Variants in SMC1A observed in about 807,000 individuals in gnomAD.
SMC1A encodes the protein structural maintenance of chromosomes protein 1A.
In SMC1A, 4 loss-of-function variants were observed where a neutral mutation model predicts 94.5. That is an observed-to-expected ratio of 0.04 (90% confidence interval 0.02 to 0.10). The LOEUF (loss-of-function observed/expected upper bound fraction) is 0.10, where lower values mean the gene tolerates loss of function less well. SMC1A is among the 10% of genes least tolerant of loss of function. SMC1A has a pLI of 1.00. For missense variants in SMC1A, 304 were observed against 989.0 expected (o/e 0.31, Z 9.29); for synonymous variants, 345 against 347.7 (o/e 0.99, Z 0.09).
chrX:53,381,923 A>G (rs1240220543), intron 22 of SMC1A: 1 of 372,309 alleles, frequency 2.7e-6, no homozygotes, highest in Admixed American at 4.4e-5. Context: ...GAAGGGGTGA[A>G]AGGTGATGAT....
intron 5 of SMC1A, 91 bp from the exon 6 acceptor site, chrX:53,412,344 G>C (rs1334460849): frequency 3.2e-6 from 3 of 938,566 alleles, no homozygotes; most frequent in Non-Finnish European, 4.5e-6. Context: ...TTGAGCCCCT[G>C]AGCCAACCTC....
At chrX:53,384,268 T>C (rs782048439) in intron 19 of SMC1A, among the ~76,000 whole-genome samples, 2 of 108,146 alleles carry the variant, frequency 1.8e-5, no homozygotes, top group South Asian at 8.1e-4. Flanking sequence ...TTTAGACTTT[T>C]TTTTTTTTTT....
chrX:53,420,145 T>C (rs1315565358), intron 1 of SMC1A, among the ~76,000 whole-genome samples: 2 of 112,459 alleles, frequency 1.8e-5, no homozygotes, highest in Non-Finnish European at 3.7e-5. Context: ...GGACAAGTTA[T>C]CACACCTCTG....
intron 16 of SMC1A, among the ~76,000 whole-genome samples, chrX:53,397,664 T>G (rs1439410882): frequency 1.8e-5 from 2 of 111,305 alleles, no homozygotes; most frequent in Non-Finnish European, 3.8e-5. Context: ...AGCATATATA[T>G]AGAGAGAGAA....
intron 19 of SMC1A, among the ~76,000 whole-genome samples, chrX:53,387,545 C>G (rs1206995791): frequency 8.9e-6 from 1 of 111,951 alleles, no homozygotes; most frequent in Non-Finnish European, 1.9e-5. Flanking sequence ...TTGAAAAGTT[C>G]TAGAAGCACT....
chrX:53,395,274 C>T (rs1457568146), intron 18 of SMC1A, among the ~76,000 whole-genome samples: 1 of 112,126 alleles, frequency 8.9e-6, no homozygotes, highest in Non-Finnish European at 1.9e-5. Context: ...AACTGGGAGG[C>T]GGAGGCTGCA....
chrX:53,422,694 C>T (rs782563894), upstream of SMC1A: 1 of 590,401 alleles, frequency 1.7e-6, no homozygotes, highest in South Asian at 2.3e-5. Context: ...GCAAGCCGGG[C>T]GACCGGCAAA....
rs782054089 is a variant in SMC1A at position 53,414,310 on chromosome X, A to C, written c.411+448T>G. Among the ~76,000 whole-genome samples the C allele has an allele frequency of 4.5e-5, 5 of 111,055 alleles. No homozygotes were observed. In the East Asian group the frequency reaches 8.5e-4, roughly 19 times the overall value. ...CTAAATGATAGGCTTAGGAGTTTGGATCTCATCCTAAGGCAATAGTTCTCA... is the reference window on the plus strand; with the variant it reads ...CTAAATGATAGGCTTAGGAGTTTGGCTCTCATCCTAAGGCAATAGTTCTCA... On this transcript the variant is annotated intron_variant, in intron 3 of 24. Coordinates refer to ENST00000322213, the MANE Select transcript of SMC1A (RefSeq NM_006306.4).
Position 53,416,310 on chromosome X carries a change from A to T in SMC1A, c.110-1141T>A, listed in dbSNP as rs185249237. On this transcript the variant is annotated intron_variant, in intron 1 of 24. Transcript: ENST00000322213. ...AGAGTAAGACTCCATCTCAAAAAAA[A>T]AAAATAAAATAAAATAAAATAATAA... Among the ~76,000 whole-genome samples, 367 of 106,544 alleles carry T rather than the reference A, an allele frequency of 3.4e-3. 3 individuals carry two copies. The highest frequency in any genetic ancestry group is 4.9e-3 in the Middle Eastern group (1 of 204). 92.5% of individuals were successfully genotyped at this position (106,544 alleles called of 115,157 possible). A position where few individuals can be genotyped will look rare whatever the true frequency, so the allele number is the denominator to read the frequency against.
rs1341314979 is a variant in SMC1A at position 53,417,660 on chromosome X, C to G, written c.110-2491G>C. ...TGACTGGACTCTGGTTCCAAAATAA[C>G]AAAAAGACATTTGGGGAGCAAGTTA... On this transcript the variant is annotated intron_variant, in intron 1 of 24. Transcript: ENST00000322213. Among the ~76,000 whole-genome samples, 6 of 107,402 alleles carry G rather than the reference C, an allele frequency of 5.6e-5. No individual in the cohort carries two copies. The East Asian group carries it at 1.7e-3, about 31-fold the overall frequency. The allele number at this position is 107,402 out of a possible 115,157, so 93.3% of individuals were successfully genotyped here. A position where few individuals can be genotyped will look rare whatever the true frequency, so the allele number is the denominator to read the frequency against.
Position 53,376,989 on chromosome X carries a change from G to C in SMC1A, c.*3114C>G, listed in dbSNP as rs1007065861. ...CAAGGCTACTGCGTCCACAGTATAA[G>C]GGAGTCAAACTAGTTCCTCCAACAA... On this transcript the variant is annotated 3_prime_UTR_variant, in exon 25 of 25. Transcript: ENST00000322213. 1 of 111,832 alleles carries C rather than the reference G, an allele frequency of 8.9e-6. No homozygotes were observed. Among genetic ancestry groups the C allele is most frequent in the Non-Finnish European group, 1.9e-5 (1 of 53,145 alleles). The allele number at this position is 111,832 out of a possible 1,213,427, so 9.2% of individuals were successfully genotyped here.
chrX:53,403,976 G>C, intron 13 of SMC1A, 83 bp from the exon 14 acceptor site: 1 of 664,209 alleles, frequency 1.5e-6, no homozygotes, highest in Non-Finnish European at 2.5e-6. Flanking sequence ...CCCACAGTCA[G>C]GAAGGGCTAG....
At chrX:53,417,032 C>T (rs1022112364) in intron 1 of SMC1A, among the ~76,000 whole-genome samples, 2 of 108,632 alleles carry the variant, frequency 1.8e-5, no homozygotes, top group Admixed American at 9.9e-5. Flanking sequence ...GTGATCCTCC[C>T]GCCGTGGCCT....
At chrX:53,401,093 T>C (rs1202555730) in intron 15 of SMC1A, among the ~76,000 whole-genome samples, 2 of 111,354 alleles carry the variant, frequency 1.8e-5, no homozygotes, top group Non-Finnish European at 1.9e-5. Context: ...TGTCGCTGCC[T>C]GGCTGGCTAA....
At position 53,380,637 on chromosome X, in the gene SMC1A, T is replaced by C; in HGVS notation, c.3601A>G (p.Ile1201Val). The part of the protein sequence containing the change: ...EEFYTKAESL[I>V]GVYPEQGDCV... Reference sequence around the variant, plus strand: ...CGCCCTACCTCAGGATAGACTCCAATGAGGCTCTCGGCCTTGGTGTAGAAC... The same window carrying C: ...CGCCCTACCTCAGGATAGACTCCAACGAGGCTCTCGGCCTTGGTGTAGAAC... The change falls in exon 24 of 25, where the codon ATT becomes GTT. Residue 1201 changes from isoleucine (I) to valine (V), a missense_variant. By Grantham distance (29) the Ile-to-Val change is conservative. Around this residue, in one of 11 missense-constraint regions of SMC1A, gnomAD observed 24 missense variants for 43.5 expected, o/e 0.55. Coordinates refer to ENST00000322213, the MANE Select transcript of SMC1A (RefSeq NM_006306.4). 8.3e-7 allele frequency: 1 copy of C among 1,198,265 alleles called. No individual in the cohort carries two copies. The highest frequency in any genetic ancestry group is 1.8e-5 in the South Asian group (1 of 56,547).
rs782122645 is a variant in SMC1A at position 53,419,653 on chromosome X, G to A, written c.109+2839C>T. ...AGCCTGAACAACGTGGTGAAACCCC[G>A]TCTCTACTAAAAATACAAAAACTGG... On this transcript the variant is annotated intron_variant, in intron 1 of 24. Coordinates refer to ENST00000322213, the MANE Select transcript of SMC1A (RefSeq NM_006306.4). Among the ~76,000 whole-genome samples the A allele has an allele frequency of 2.8e-5, 3 of 108,775 alleles. No individual in the cohort carries two copies. In the South Asian group the frequency reaches 1.2e-3, roughly 43 times the overall value. The allele number at this position is 108,775 out of a possible 115,157, so 94.5% of individuals were successfully genotyped here.
At chrX:53,396,750 C>G in intron 16 of SMC1A, 133 bp from the exon 17 acceptor site, 1 of 688,819 alleles carries the variant, frequency 1.5e-6, no homozygotes, top group Non-Finnish European at 2.2e-6. Context: ...CTTTCACACC[C>G]CCATCACCCC....
intron 7 of SMC1A, among the ~76,000 whole-genome samples, 167 bp downstream of exon 7, chrX:53,411,586 TCAAAAAAA>T (rs1446221849): frequency 4.6e-4 from 51 of 110,333 alleles, no homozygotes; most frequent in East Asian, 5.7e-4. Context: ...AAACTCTGTC[TCAAAAAAA>T]CAAAAAAACA....
intron 3 of SMC1A, 87 bp from the exon 4 acceptor site, chrX:53,413,522 T>C: frequency 1.1e-6 from 1 of 878,372 alleles, no homozygotes; most frequent in Non-Finnish European, 1.6e-6. Context: ...CCAGAAAAAG[T>C]TACCAACTTT....
Sources: gnomAD v4.1 joint callset for allele counts (sites outside exome capture counted in the v4.1 genomes callset) on GRCh38, gnomAD v4.1.1 for gene constraint, gnomAD v4.1.1 regional missense constraint, MANE v1.5 for transcripts, NCBI Gene and HGNC (gene_info 2026-07-23, HGNC 2026-07-21) for gene names.